WDR72: variants seen among roughly 807,000 people sequenced by gnomAD.
WDR72 encodes the protein WD repeat-containing protein 72.
Under a neutral mutation model 124.2 loss-of-function variants are expected in WDR72, and 120 were observed. The ratio of observed to expected loss-of-function variants is 0.97; its 90% CI spans 0.83 to 1.12. WDR72 has a LOEUF of 1.12. Ranked by LOEUF, WDR72 falls within the 50% of genes most tolerant of loss-of-function variation. The pLI, the probability that WDR72 is intolerant of heterozygous loss-of-function variation, is 0.00. For synonymous variants in WDR72, 452 were observed against 441.7 expected (o/e 1.02, Z -0.29); for missense variants, 1,387 against 1,278.8 (o/e 1.08, Z -1.29).
At chr15:53,598,410 A>G (rs1312881350) in intron 17 of WDR72, among the ~76,000 whole-genome samples, 1 of 152,148 alleles carries the variant, frequency 6.6e-6, no homozygotes, top group Non-Finnish European at 1.5e-5. Context: ...AGCTAGGGAT[A>G]TGAGACAACA....
chr15:53,572,160 G>A (rs1894553543), intron 18 of WDR72, among the ~76,000 whole-genome samples: 2 of 152,086 alleles, frequency 1.3e-5, no homozygotes, highest in African/African-American at 2.4e-5. Context: ...CTACCATTCT[G>A]TAGGTTGTCT....
At chr15:53,610,938 T>A (rs2013514590) in intron 16 of WDR72, among the ~76,000 whole-genome samples, 1 of 152,152 alleles carries the variant, frequency 6.6e-6, no homozygotes, top group South Asian at 2.1e-4. Flanking sequence ...CTTACTAGCA[T>A]CATGGGGTAC....
rs1893459121 is a variant in WDR72, at chr15:53,546,370, T to C, written c.3149-23048A>G. Reference sequence around the variant, plus strand: ...TGAGTTCATGTCCTTTGTAGGGACATGGATGAAATTGGAAATCATCATTCT... The same window carrying C: ...TGAGTTCATGTCCTTTGTAGGGACACGGATGAAATTGGAAATCATCATTCT... On this transcript the variant is annotated intron_variant, in intron 18 of 19. Transcript: ENST00000360509. Among the ~76,000 whole-genome samples, 3 of 151,900 alleles carry C rather than the reference T, an allele frequency of 2.0e-5. No homozygotes were observed. The South Asian group carries it at 6.3e-4, about 32-fold the overall frequency.
At chr15:53,531,822 C>T (rs1231748286) in intron 18 of WDR72, among the ~76,000 whole-genome samples, 1 of 151,978 alleles carries the variant, frequency 6.6e-6, no homozygotes, top group Non-Finnish European at 1.5e-5. Context: ...AAGACAGTTT[C>T]CTAGATTAGT....
intron 14 of WDR72, among the ~76,000 whole-genome samples, chr15:53,624,652 C>T: frequency 6.6e-6 from 1 of 152,196 alleles, no homozygotes; most frequent in East Asian, 1.9e-4. Context: ...ATTTTAAAAT[C>T]ATAAATGTTA....
intron 3 of WDR72, among the ~76,000 whole-genome samples, chr15:53,720,838 G>A (rs538411734): frequency 6.6e-6 from 1 of 152,142 alleles, no homozygotes; most frequent in African/African-American, 2.4e-5. Flanking sequence ...TGAATCTGAG[G>A]ATGTATGCCT....
intron 14 of WDR72, among the ~76,000 whole-genome samples, chr15:53,663,719 T>C (rs2015684505): frequency 6.6e-6 from 1 of 152,074 alleles, no homozygotes; most frequent in African/African-American, 2.4e-5. Context: ...ATGCTAACTC[T>C]GTTATGAATA....
chr15:53,645,063 C>CT (rs1432781565), intron 14 of WDR72, among the ~76,000 whole-genome samples: 2 of 152,258 alleles, frequency 1.3e-5, no homozygotes, highest in East Asian at 3.9e-4. Flanking sequence ...TCAGCAATGA[C>CT]TTTACTGTGT....
At chr15:53,682,086 A>C (rs1458307050) in intron 13 of WDR72, among the ~76,000 whole-genome samples, 1 of 152,078 alleles carries the variant, frequency 6.6e-6, no homozygotes, top group Non-Finnish European at 1.5e-5. Context: ...TTTCAATGTG[A>C]TACCTGAATT....
At chr15:53,660,226 ATAGT>A (rs966520745) in intron 14 of WDR72, among the ~76,000 whole-genome samples, 15 of 151,964 alleles carry the variant, frequency 9.9e-5, no homozygotes, top group African/African-American at 3.6e-4. Context: ...TTCTTTTTTT[ATAGT>A]TATACAAGTT....
chr15:53,739,199 G>A (rs977492833), intron 1 of WDR72, among the ~76,000 whole-genome samples: 4 of 151,810 alleles, frequency 2.6e-5, no homozygotes, highest in Non-Finnish European at 5.9e-5. Context: ...AAGAAAGTAG[G>A]AACATAATGA....
intron 18 of WDR72, among the ~76,000 whole-genome samples, chr15:53,594,152 T>C (rs894447612): frequency 6.6e-6 from 1 of 151,992 alleles, no homozygotes; most frequent in Non-Finnish European, 1.5e-5. Flanking sequence ...TATTTTTCCT[T>C]GTGACATTGT....
chr15:53,655,888 T>C (rs1025316110), intron 14 of WDR72, among the ~76,000 whole-genome samples: 1 of 152,192 alleles, frequency 6.6e-6, no homozygotes, highest in Non-Finnish European at 1.5e-5. Context: ...AGACGGGGTT[T>C]CACCATGTTG....
chr15:53,576,347 T>C (rs1206460729), intron 18 of WDR72, among the ~76,000 whole-genome samples: 1 of 152,122 alleles, frequency 6.6e-6, no homozygotes, highest in Non-Finnish European at 1.5e-5. Context: ...AGCAGTAAGA[T>C]GAACATTCTG....
At chr15:53,627,663 A>T (rs2140388652) in intron 14 of WDR72, among the ~76,000 whole-genome samples, 1 of 152,300 alleles carries the variant, frequency 6.6e-6, no homozygotes, top group Admixed American at 6.5e-5. Context: ...TCTTTTCTAG[A>T]ACAAAACTCC....
At chr15:53,534,295 A>C (rs1233546985) in intron 18 of WDR72, among the ~76,000 whole-genome samples, 4 of 152,098 alleles carry the variant, frequency 2.6e-5, no homozygotes, top group African/African-American at 9.7e-5. Flanking sequence ...TGGGTGGATC[A>C]TATTATGCAA....
At chr15:53,641,232 A>G (rs1425009217) in intron 14 of WDR72, among the ~76,000 whole-genome samples, 2 of 152,036 alleles carry the variant, frequency 1.3e-5, no homozygotes, top group Non-Finnish European at 2.9e-5. Flanking sequence ...TTTGACTTTA[A>G]GTGCCATCTT....
chr15:53,585,113 G>A lies in WDR72; in HGVS notation c.3148+11966C>T, dbSNP rs548835738. Among the ~76,000 whole-genome samples the A allele has an allele frequency of 4.6e-5, 7 of 151,960 alleles. No individual in the cohort carries two copies. The East Asian group carries it at 1.4e-3, about 30-fold the overall frequency. ...GATATATAAGTTTTTAAATATTATT[G>A]GGTGTATTAGTCTATTTTCACACTG... On this transcript the variant is annotated intron_variant, in intron 18 of 19. Coordinates refer to ENST00000360509, the MANE Select transcript of WDR72 (RefSeq NM_182758.4).
At chr15:53,525,804 C>T (rs1027022973) in intron 18 of WDR72, among the ~76,000 whole-genome samples, 2 of 151,964 alleles carry the variant, frequency 1.3e-5, no homozygotes, top group Admixed American at 1.3e-4. Flanking sequence ...AACTTGGTTA[C>T]AGATTAGTTT....
Sources: allele counts gnomAD v4.1 joint callset (sites outside exome capture counted in the v4.1 genomes callset), GRCh38; gene constraint gnomAD v4.1.1; transcripts MANE v1.5; gene names NCBI Gene and HGNC (gene_info 2026-07-23, HGNC 2026-07-21).